The following KCNH8 variants were observed in gnomAD, a reference collection of about 807,000 sequenced individuals.
KCNH8 encodes the protein voltage-gated delayed rectifier potassium channel KCNH8.
A neutral mutation model predicts 103.6 loss-of-function variants in KCNH8; 70 were observed. That is an observed-to-expected ratio of 0.68 (90% CI 0.56 to 0.82). KCNH8 has a LOEUF of 0.82. KCNH8 is among the 40% of genes least tolerant of loss of function. The pLI is 0.00. For synonymous variants in KCNH8, 498 were observed against 489.4 expected (o/e 1.02, Z -0.23); for missense variants, 1,217 against 1,329.9 (o/e 0.92, Z 1.32).
intron 3 of KCNH8, 101 bp from the exon 4 acceptor site, chr3:19,342,486 A>G: frequency 8.5e-7 from 1 of 1,171,286 alleles, no homozygotes. Flanking sequence ...TAGGTATTGG[A>G]AAACATGTAC....
intron 3 of KCNH8, among the ~76,000 whole-genome samples, chr3:19,289,145 G>C (rs1040926284): frequency 6.6e-6 from 1 of 151,948 alleles, no homozygotes; most frequent in East Asian, 1.9e-4. Flanking sequence ...CAGATGAGTA[G>C]ATTGCAAAAA....
At chr3:19,523,734 A>AAAT (rs2069012928) in intron 15 of KCNH8, among the ~76,000 whole-genome samples, 1 of 151,976 alleles carries the variant, frequency 6.6e-6, no homozygotes, top group African/African-American at 2.4e-5. Flanking sequence ...ATCCTAAAAG[A>AAAT]AATAGAAAAC....
chr3:19,234,765 C>A (rs931273970), intron 1 of KCNH8, among the ~76,000 whole-genome samples: 1 of 152,254 alleles, frequency 6.6e-6, no homozygotes, highest in Non-Finnish European at 1.5e-5. Flanking sequence ...GCGCGGAGAG[C>A]GAGAGAGGGC....
intron 3 of KCNH8, among the ~76,000 whole-genome samples, chr3:19,304,287 T>A (rs1044490292): frequency 5.9e-5 from 9 of 152,302 alleles, no homozygotes; most frequent in African/African-American, 2.2e-4. Context: ...GCTCAGACTT[T>A]CTATTCAGAT....
At chr3:19,267,825 A>G (rs899921434) in intron 2 of KCNH8, among the ~76,000 whole-genome samples, 1 of 152,088 alleles carries the variant, frequency 6.6e-6, no homozygotes, top group Non-Finnish European at 1.5e-5. Context: ...CTTATGAACT[A>G]TGTGATTTTG....
At chr3:19,216,313 C>T (rs1338473907) in intron 1 of KCNH8, among the ~76,000 whole-genome samples, 4 of 152,170 alleles carry the variant, frequency 2.6e-5, no homozygotes, top group Non-Finnish European at 5.9e-5. Context: ...CCATCAGGGA[C>T]GAAGAGTGTT....
chr3:19,534,194 C>A lies in KCNH8; in HGVS notation c.*95C>A, dbSNP rs2069226466. ...GCCTCTGGTGGGCATGAAGACTGAGCAAAGCTGGGAATCCTGCAGAAAAGA... is the reference window on the plus strand; with the variant it reads ...GCCTCTGGTGGGCATGAAGACTGAGAAAAGCTGGGAATCCTGCAGAAAAGA... On this transcript the variant is annotated 3_prime_UTR_variant, in exon 16 of 16. Coordinates refer to ENST00000328405, the MANE Select transcript of KCNH8 (RefSeq NM_144633.3). 1 of 863,242 alleles carries A rather than the reference C, an allele frequency of 1.2e-6. No individual in the cohort carries two copies. The highest frequency in any genetic ancestry group is 1.8e-6 in the Non-Finnish European group (1 of 557,032). 53.5% of individuals were successfully genotyped at this position (863,242 alleles called of 1,614,324 possible). A position where few individuals can be genotyped will look rare whatever the true frequency, so the allele number is the denominator to read the frequency against.
chr3:19,309,384 T>C (rs2065181015), intron 3 of KCNH8, among the ~76,000 whole-genome samples: 1 of 151,992 alleles, frequency 6.6e-6, no homozygotes, highest in Non-Finnish European at 1.5e-5. Context: ...TTATGGTGTT[T>C]CATAAAGTCA....
chr3:19,475,502 T>G (rs2067954903), intron 11 of KCNH8, among the ~76,000 whole-genome samples: 1 of 152,196 alleles, frequency 6.6e-6, no homozygotes, highest in Non-Finnish European at 1.5e-5. Flanking sequence ...GAACCATTGA[T>G]TCACCCTTCT....
chr3:19,233,791 C>T (rs147284502), intron 1 of KCNH8, among the ~76,000 whole-genome samples: 1 of 151,956 alleles, frequency 6.6e-6, no homozygotes, highest in Non-Finnish European at 1.5e-5. Flanking sequence ...CATGGACCCT[C>T]GCGGTGAGTG....
chr3:19,210,340 A>G (rs1035757896), intron 1 of KCNH8, among the ~76,000 whole-genome samples: 3 of 152,052 alleles, frequency 2.0e-5, no homozygotes, highest in African/African-American at 7.2e-5. Flanking sequence ...ACCCAAATGC[A>G]TAAAATGAAA....
chr3:19,463,231 G>A (rs2067669697), intron 11 of KCNH8, among the ~76,000 whole-genome samples: 1 of 152,046 alleles, frequency 6.6e-6, no homozygotes, highest in African/African-American at 2.4e-5. Flanking sequence ...CAGATACTAA[G>A]GGACCACTGT....
intron 7 of KCNH8, among the ~76,000 whole-genome samples, chr3:19,416,980 A>T (rs2066873487): frequency 6.6e-6 from 1 of 152,004 alleles, no homozygotes; most frequent in Non-Finnish European, 1.5e-5. Flanking sequence ...TAAGAGTTAT[A>T]GCCTGTGCCT....
chr3:19,323,272 AC>A lies in KCNH8; in HGVS notation c.443-19311del, dbSNP rs748638560. On this transcript the variant is annotated intron_variant, in intron 3 of 15. Transcript: ENST00000328405. ...AGACCATCCTGGCTAACACAGTGAA[AC>A]CCCGTCTCTACTAAAAATATAAAAA... 5.9e-5 allele frequency among the ~76,000 whole-genome samples: 9 copies of A among 151,942 alleles called. No individual in the cohort carries two copies. In the East Asian group the frequency reaches 1.2e-3, roughly 20 times the overall value.
chr3:19,495,350 T>C lies in KCNH8; in HGVS notation c.2041-15013T>C, dbSNP rs1192772158. The stretch of plus-strand genomic sequence containing the variant: ...TTGGGTTTCACATTTAAGTCTTGAA[T>C]TCATCTTGAGTTAACTTTTGTTTAT... On this transcript the variant is annotated intron_variant, in intron 11 of 15. Transcript: ENST00000328405. 9.2e-5 allele frequency among the ~76,000 whole-genome samples: 14 copies of C among 152,322 alleles called. No homozygotes were observed. The East Asian group carries it at 2.7e-3, about 29-fold the overall frequency.
chr3:19,443,925 T>C (rs1009672974), intron 8 of KCNH8, among the ~76,000 whole-genome samples: 7 of 152,214 alleles, frequency 4.6e-5, no homozygotes, highest in Admixed American at 1.3e-4. Context: ...TTGCTAACAA[T>C]GGACTCACGT....
At chr3:19,475,657 G>A (rs1439608628) in intron 11 of KCNH8, among the ~76,000 whole-genome samples, 7 of 152,128 alleles carry the variant, frequency 4.6e-5, no homozygotes, top group African/African-American at 9.7e-5. Context: ...AATAACTGGA[G>A]AATAATTTCT....
chr3:19,373,820 G>T (rs200986038), intron 5 of KCNH8, among the ~76,000 whole-genome samples: 2 of 151,868 alleles, frequency 1.3e-5, no homozygotes, highest in South Asian at 4.2e-4. Flanking sequence ...CTTTGTTCTC[G>T]TTGGTTTCAA....
intron 1 of KCNH8, among the ~76,000 whole-genome samples, chr3:19,182,123 A>C (rs946443836): frequency 6.6e-6 from 1 of 152,180 alleles, no homozygotes; most frequent in African/African-American, 2.4e-5. Context: ...TAGAGGCCAT[A>C]TATTCTTTGT....
Sources: gnomAD v4.1 joint callset for allele counts (sites outside exome capture counted in the v4.1 genomes callset) on GRCh38, gnomAD v4.1.1 for gene constraint, MANE v1.5 for transcripts, NCBI Gene and HGNC (gene_info 2026-07-23, HGNC 2026-07-21) for gene names.